The following CEP85L variants were observed in gnomAD, a reference collection of about 807,000 sequenced individuals.
The protein encoded by CEP85L is centrosomal protein of 85 kDa-like.
In CEP85L, 60 loss-of-function variants were observed where a neutral mutation model predicts 100.3. The ratio of observed to expected loss-of-function variants is 0.60; its 90% CI spans 0.49 to 0.74. The LOEUF is 0.74. Ranked by LOEUF, CEP85L falls within the 30% of genes least tolerant of loss-of-function variation. The pLI, the probability that CEP85L is intolerant of heterozygous loss-of-function variation, is 0.00. For missense variants in CEP85L, 973 were observed against 936.2 expected (o/e 1.04, Z -0.51); for synonymous variants, 319 against 322.7 (o/e 0.99, Z 0.12).
intron 1 of CEP85L, among the ~76,000 whole-genome samples, chr6:118,667,932 T>A (rs1371391959): frequency 1.3e-5 from 2 of 152,216 alleles, no homozygotes. Flanking sequence ...ATTTACTGTA[T>A]ATATGATTAA....
At position 118,578,782 on chromosome 6, in the gene CEP85L, G is replaced by GT. The variant is rs1461415708; in HGVS notation, c.233-12467dup. Among the ~76,000 whole-genome samples the GT allele has an allele frequency of 7.2e-5, 11 of 152,320 alleles. No individual in the cohort carries two copies. The East Asian group carries it at 2.1e-3, about 29-fold the overall frequency. On this transcript the variant is annotated intron_variant, in intron 2 of 12. Transcript: ENST00000368491. ...TTTTGTTCGGTGTGCTCTCGCGAGC[G>GT]TGACTGATGCAGGCAGCACCCTTCT...
intron 1 of CEP85L, among the ~76,000 whole-genome samples, chr6:118,699,795 A>G (rs1313892420): frequency 6.6e-6 from 1 of 152,118 alleles, no homozygotes; most frequent in Non-Finnish European, 1.5e-5. Context: ...CCTGGGTTCA[A>G]GTGATTCTTC....
intron 1 of CEP85L, among the ~76,000 whole-genome samples, chr6:118,669,021 A>C (rs1246404258): frequency 6.6e-6 from 1 of 152,268 alleles, no homozygotes; most frequent in African/African-American, 2.4e-5. Context: ...AGAAATGTTA[A>C]AGAAACTTTC....
At chr6:118,654,705 A>C (rs561073200), upstream of CEP85L, among the ~76,000 whole-genome samples, 1 of 152,356 alleles carries the variant, frequency 6.6e-6, no homozygotes, top group South Asian at 2.1e-4. Context: ...AGGTGAATGG[A>C]AAACAAATAG....
chr6:118,524,821 G>T lies in CEP85L; in HGVS notation c.1021-901C>A, dbSNP rs540484093. Among the ~76,000 whole-genome samples, 20 of 152,326 alleles carry T rather than the reference G, an allele frequency of 1.3e-4. No individual in the cohort carries two copies. In the South Asian group the frequency reaches 3.3e-3, roughly 25 times the overall value. On this transcript the variant is annotated intron_variant, in intron 3 of 12. Coordinates refer to ENST00000368491, the MANE Select transcript of CEP85L (RefSeq NM_001042475.3). ...GTGCAGATGAGGAAACCTGCCCAGG[G>T]CTCATGTGGGCATGCCCATAGCTGA... is the stretch of plus-strand genomic sequence containing the variant.
In CEP85L at chr6:118,632,598, T is replaced by C. The variant is rs371374403; in HGVS notation, c.87A>G (p.Ser29=). Residue 29 remains serine (S), a synonymous_variant, in exon 2 of 13, where the codon TCA becomes TCG. Transcript: ENST00000368491. ...ATTCATTAGCAGGTAGCCATGCTGA[T>C]GAATAATCTGGGCCTAAAAAGGGAA... ...ARSFPAGPDY[S]SAWLPANESL... 3.1e-5 allele frequency: 50 copies of C among 1,609,666 alleles called. No homozygotes were observed. Among genetic ancestry groups the C allele is most frequent in the Non-Finnish European group, 9.3e-6 (11 of 1,178,618 alleles).
chr6:118,550,546 T>C (rs1778482224), intron 3 of CEP85L, among the ~76,000 whole-genome samples: 3 of 151,834 alleles, frequency 2.0e-5, no homozygotes, highest in Admixed American at 2.0e-4. Context: ...TCCTCTTAAT[T>C]ATATATTTGA....
chr6:118,647,748 T>G (rs1775295644), intron 1 of CEP85L, among the ~76,000 whole-genome samples: 1 of 152,254 alleles, frequency 6.6e-6, no homozygotes, highest in Non-Finnish European at 1.5e-5. Flanking sequence ...TATCACTTTA[T>G]CATGCTTGAT....
chr6:118,498,655 A>AAGGG (rs1322997045), intron 5 of CEP85L, among the ~76,000 whole-genome samples: 2 of 146,172 alleles, frequency 1.4e-5, no homozygotes, highest in African/African-American at 5.0e-5. Context: ...AAAGGGAGGA[A>AAGGG]AGGGAGGGAG....
intron 2 of CEP85L, among the ~76,000 whole-genome samples, chr6:118,609,784 G>A (rs186453795): frequency 6.6e-6 from 1 of 151,968 alleles, no homozygotes; most frequent in Admixed American, 6.5e-5. Flanking sequence ...AAAAAACGTA[G>A]GTGGAAACAG....
intron 10 of CEP85L, among the ~76,000 whole-genome samples, chr6:118,473,898 T>C (rs369328231): frequency 2.6e-5 from 4 of 152,208 alleles, no homozygotes; most frequent in Admixed American, 6.5e-5. Context: ...CTGAAATGTA[T>C]AGCAGGGTGT....
chr6:118,625,235 T>C (rs189120246), intron 2 of CEP85L, among the ~76,000 whole-genome samples: 1 of 152,376 alleles, frequency 6.6e-6, no homozygotes, highest in East Asian at 1.9e-4. Context: ...TCCAGACATC[T>C]TTTTCATCCG....
At chr6:118,595,404 G>T (rs576116637) in intron 2 of CEP85L, among the ~76,000 whole-genome samples, 32 of 152,270 alleles carry the variant, frequency 2.1e-4, no homozygotes, top group African/African-American at 7.7e-4. Flanking sequence ...AAAATACCCT[G>T]GCTAAACGAA....
intron 1 of CEP85L, among the ~76,000 whole-genome samples, chr6:118,697,094 T>C (rs1777239588): frequency 6.6e-6 from 1 of 152,196 alleles, no homozygotes; most frequent in Non-Finnish European, 1.5e-5. Context: ...TGGCCCTTTT[T>C]GAGGCTCACG....
Position 118,613,423 on chromosome 6 carries a change from A to T in CEP85L, c.232+19030T>A, listed in dbSNP as rs78747407. Among the ~76,000 whole-genome samples the T allele has an allele frequency of 1.7e-4, 26 of 152,302 alleles. No homozygotes were observed. The East Asian group carries it at 4.6e-3, about 27-fold the overall frequency. ...TGAATTACTTTATAACTATTAAGGA[A>T]ATCGAATTCATAATTTTAAAATTTC... On this transcript the variant is annotated intron_variant, in intron 2 of 12. Transcript: ENST00000368491.
rs559421891 is a variant in CEP85L at position 118,531,579 on chromosome 6, T to C, written c.1021-7659A>G. 1.6e-4 allele frequency among the ~76,000 whole-genome samples: 25 copies of C among 152,130 alleles called. No individual in the cohort carries two copies. In the South Asian group the frequency reaches 5.2e-3, roughly 32 times the overall value. On this transcript the variant is annotated intron_variant, in intron 3 of 12. Coordinates refer to ENST00000368491, the MANE Select transcript of CEP85L (RefSeq NM_001042475.3). ...CTATCAACAGAATAAACAAACACCCTACAGAATAGGAGAAGATATTTGCAA... is the reference window on the plus strand; with the variant it reads ...CTATCAACAGAATAAACAAACACCCCACAGAATAGGAGAAGATATTTGCAA...
intron 3 of CEP85L, among the ~76,000 whole-genome samples, chr6:118,546,891 C>A (rs983042051): frequency 2.0e-5 from 3 of 152,058 alleles, no homozygotes; most frequent in African/African-American, 7.2e-5. Context: ...TAAATTTTCC[C>A]TTGGCAATGT....
At chr6:118,567,249 G>GTGTATATA (rs1173790079) in intron 2 of CEP85L, among the ~76,000 whole-genome samples, 2 of 43,764 alleles carry the variant, frequency 4.6e-5, no homozygotes, top group Non-Finnish European at 8.9e-5. Flanking sequence ...GTGTGTGTGT[G>GTGTATATA]TATATATATA....
At chr6:118,485,535 G>GAT (rs1774117672) in intron 6 of CEP85L, among the ~76,000 whole-genome samples, 3 of 152,150 alleles carry the variant, frequency 2.0e-5, no homozygotes, top group African/African-American at 7.2e-5. Flanking sequence ...AGGATTAAAG[G>GAT]TAAATGTGCT....
Sources: allele counts gnomAD v4.1 joint callset (sites outside exome capture counted in the v4.1 genomes callset), GRCh38; gene constraint gnomAD v4.1.1; transcripts MANE v1.5; gene names NCBI Gene and HGNC (gene_info 2026-07-23, HGNC 2026-07-21).